The following SLC25A36 variants were observed in gnomAD, a reference collection of about 807,000 sequenced individuals.
SLC25A36 encodes solute carrier family 25 member 36.
Under a neutral mutation model 35.3 loss-of-function variants are expected in SLC25A36, and 24 were observed. That is an observed-to-expected ratio of 0.68 (90% CI 0.49 to 0.96). SLC25A36 has a LOEUF of 0.96. SLC25A36 is among the 40% of genes least tolerant of loss of function. The pLI is 0.00. For synonymous variants in SLC25A36, 141 were observed against 132.2 expected (o/e 1.07, Z -0.46); for missense variants, 294 against 381.1 (o/e 0.77, Z 1.90).
chr3:140,944,529 G>C (rs1934111724), intron 1 of SLC25A36, among the ~76,000 whole-genome samples: 1 of 152,170 alleles, frequency 6.6e-6, no homozygotes, highest in South Asian at 2.1e-4. Flanking sequence ...TATGTATATA[G>C]AGATGAAAGC....
At chr3:140,949,984 C>A (rs924010659) in intron 1 of SLC25A36, among the ~76,000 whole-genome samples, 13 of 152,144 alleles carry the variant, frequency 8.5e-5, no homozygotes, top group African/African-American at 3.1e-4. Flanking sequence ...CCATTTTTTT[C>A]TCTTGCTTTT....
rs144234286 is a variant in SLC25A36 at position 140,973,977 on chromosome 3, T to G, written c.714T>G (p.Thr238=). The G allele has an allele frequency of 6.5e-5, 103 of 1,582,850 alleles. No homozygotes were observed. Among genetic ancestry groups the G allele is most frequent in the Non-Finnish European group, 7.8e-5 (90 of 1,161,004 alleles). Residue 238 remains threonine (T), a synonymous_variant, in exon 6 of 7, where the codon ACT becomes ACG. Coordinates refer to ENST00000324194, the MANE Select transcript of SLC25A36 (RefSeq NM_001104647.3). ...TGCTAGCTGCTGCCACCTCAAAAAC[T>G]TGTGCCACAACTATAGCATATCCAC... The part of the protein sequence containing the change: ...GMMLAAATSK[T]CATTIAYPHE...
At position 140,980,705 on chromosome 3, in the gene SLC25A36, C is replaced by T. The variant is rs28457644; in HGVS notation, c.*4252C>T. Among the ~76,000 whole-genome samples, 2 of 25,012 alleles carry T rather than the reference C, an allele frequency of 8.0e-5. No individual in the cohort carries two copies. Among genetic ancestry groups the T allele is most frequent in the African/African-American group, 1.4e-4 (2 of 14,648 alleles). The allele number at this position is 25,012 out of a possible 152,430, so 16.4% of individuals were successfully genotyped here. A position where few individuals can be genotyped will look rare whatever the true frequency, so the allele number is the denominator to read the frequency against. ...TAAATGTTCCCCCTGCCCCCCCCCC[C>T]TTTTAATATATATACACGGAGCTTC... On this transcript the variant is annotated 3_prime_UTR_variant, in exon 7 of 7. Coordinates refer to ENST00000324194, the MANE Select transcript of SLC25A36 (RefSeq NM_001104647.3).
Position 140,971,008 on chromosome 3 carries a change from TA to T in SLC25A36, c.452+19del. ...CTTGATGCAAGGTATGTTAATTCCT[TA>T]AAATAAAATTGGTTAAAGTGGATTT... is the stretch of plus-strand genomic sequence containing the variant. On this transcript the variant is annotated intron_variant, in intron 5 of 6. Coordinates refer to ENST00000324194, the MANE Select transcript of SLC25A36 (RefSeq NM_001104647.3). 1 of 1,170,060 alleles carries T rather than the reference TA, an allele frequency of 8.5e-7. No individual in the cohort carries two copies. Among genetic ancestry groups the T allele is most frequent in the Non-Finnish European group, 1.3e-6 (1 of 783,714 alleles). 72.5% of individuals were successfully genotyped at this position (1,170,060 alleles called of 1,614,324 possible). A position where few individuals can be genotyped will look rare whatever the true frequency, so the allele number is the denominator to read the frequency against.
chr3:140,977,874 T>C lies in SLC25A36; in HGVS notation c.*1421T>C, dbSNP rs575484113. 6.6e-6 allele frequency: 1 copy of C among 151,944 alleles called. No individual in the cohort carries two copies. The highest frequency in any genetic ancestry group is 1.5e-5 in the Non-Finnish European group (1 of 67,982). 9.4% of individuals were successfully genotyped at this position (151,944 alleles called of 1,614,324 possible). On this transcript the variant is annotated 3_prime_UTR_variant, in exon 7 of 7. Coordinates refer to ENST00000324194, the MANE Select transcript of SLC25A36 (RefSeq NM_001104647.3). ...AGAATGACGCTTCGTGAAAGCACTTTGTGGCCTTTTTTGGGGGGGAGGGTG... is the reference window on the plus strand; with the variant it reads ...AGAATGACGCTTCGTGAAAGCACTTCGTGGCCTTTTTTGGGGGGGAGGGTG...
At position 140,963,158 on chromosome 3, in the gene SLC25A36, A is replaced by G; in HGVS notation, c.316A>G (p.Lys106Glu). Residue 106 changes from lysine to glutamate, a missense_variant, in exon 4 of 7, where the codon AAG becomes GAG. By Grantham distance (56) the Lys-to-Glu change is moderately conservative (BLOSUM62 1). This residue lies in a region of SLC25A36 where 185 missense variants were observed against 201.5 expected (regional missense o/e 0.92). Transcript: ENST00000324194. ...AIYFAAYSNC[K>E]EKLNDVFDPD... ...ATACTTTGCTGCTTATTCAAACTGC[A>G]AGGAAAAGTTGAATGATGTATTTGA... 1 of 1,590,892 alleles carries G rather than the reference A, an allele frequency of 6.3e-7. No homozygotes were observed. Among genetic ancestry groups the G allele is most frequent in the Non-Finnish European group, 8.5e-7 (1 of 1,174,286 alleles).
chr3:140,958,046 A>G (rs1934522116), intron 2 of SLC25A36, among the ~76,000 whole-genome samples: 1 of 151,872 alleles, frequency 6.6e-6, no homozygotes, highest in Admixed American at 6.6e-5. Context: ...GGTTTTTTTT[A>G]TTTACTGCTG....
At chr3:140,956,190 A>G (rs1934474107) in intron 1 of SLC25A36, among the ~76,000 whole-genome samples, 1 of 152,206 alleles carries the variant, frequency 6.6e-6, no homozygotes, top group Non-Finnish European at 1.5e-5. Flanking sequence ...CAAGTTATAT[A>G]TATACATGAG....
At chr3:140,967,820 T>C (rs1295411726) in intron 4 of SLC25A36, 1 of 213,422 alleles carries the variant, frequency 4.7e-6, no homozygotes, top group East Asian at 1.9e-4. Flanking sequence ...ATTGGCACTT[T>C]GCTTTAACTG....
intron 1 of SLC25A36, among the ~76,000 whole-genome samples, chr3:140,951,253 T>C (rs1190282757): frequency 1.3e-5 from 2 of 152,206 alleles, no homozygotes; most frequent in Non-Finnish European, 1.5e-5. Flanking sequence ...GGAGAAAAGA[T>C]AAATCTAATG....
chr3:140,974,684 A>AAAAC (rs558336741), intron 6 of SLC25A36, among the ~76,000 whole-genome samples: 2 of 152,022 alleles, frequency 1.3e-5, no homozygotes, highest in South Asian at 4.1e-4. Flanking sequence ...TGGTTGTTTT[A>AAAAC]AGTGTCGCTT....
chr3:140,979,614 C>G lies in SLC25A36; in HGVS notation c.*3161C>G, dbSNP rs962142412. The G allele has an allele frequency of 6.6e-6, 1 of 152,160 alleles. No homozygotes were observed. Among genetic ancestry groups the G allele is most frequent in the Non-Finnish European group, 1.5e-5 (1 of 68,006 alleles). 9.4% of individuals were successfully genotyped at this position (152,160 alleles called of 1,614,324 possible). On this transcript the variant is annotated 3_prime_UTR_variant, in exon 7 of 7. Transcript: ENST00000324194. ...AACTTTCTGCCCACTCAGATCTCTT[C>G]TCCATCATGTACTTAGTATTTCCCA...
intron 1 of SLC25A36, among the ~76,000 whole-genome samples, chr3:140,943,962 C>A (rs946493966): frequency 7.0e-6 from 1 of 143,874 alleles, no homozygotes; most frequent in South Asian, 2.1e-4. Context: ...TCCCCTCCCC[C>A]CCAGTCTAGC....
Position 140,973,565 on chromosome 3 carries a change from A to G in SLC25A36, c.453-151A>G, listed in dbSNP as rs141334097. ...TAATATGACAAATTTGGGACAAAAGAATAGGAAATCTAAAATATGAATATT... is the reference window on the plus strand; with the variant it reads ...TAATATGACAAATTTGGGACAAAAGGATAGGAAATCTAAAATATGAATATT... On this transcript the variant is annotated intron_variant, in intron 5 of 6. Coordinates refer to ENST00000324194, the MANE Select transcript of SLC25A36 (RefSeq NM_001104647.3). The G allele has an allele frequency of 1.6e-3, 975 of 620,026 alleles. 8 individuals are homozygous for G. The African/African-American group carries it at 0.016, about 10-fold the overall frequency. The allele number at this position is 620,026 out of a possible 1,614,324, so 38.4% of individuals were successfully genotyped here.
At chr3:140,961,266 A>C (rs1934619282) in intron 3 of SLC25A36, among the ~76,000 whole-genome samples, 1 of 152,234 alleles carries the variant, frequency 6.6e-6, no homozygotes, top group Admixed American at 6.5e-5. Context: ...ACATAAAAAC[A>C]TGTATACTTT....
Position 140,941,981 on chromosome 3 carries a change from C to T in SLC25A36, c.-74C>T. 2.4e-6 allele frequency: 2 copies of T among 826,752 alleles called. No individual in the cohort carries two copies. The highest frequency in any genetic ancestry group is 1.5e-5 in the South Asian group (1 of 65,846). The allele number at this position is 826,752 out of a possible 1,614,324, so 51.2% of individuals were successfully genotyped here. On this transcript the variant is annotated 5_prime_UTR_variant, in exon 1 of 7. Coordinates refer to ENST00000324194, the MANE Select transcript of SLC25A36 (RefSeq NM_001104647.3). ...GGCGCTGTGCGTCTCCAGTCCGGGA[C>T]CGAAGCCGCCTGCCGTAGCGGGCGG...
chr3:140,956,577 A>G lies in SLC25A36; in HGVS notation c.92A>G (p.Lys31Arg). ...AILTCPLEVV[K>R]TRLQSSSVTL... ...CTGACATGTCCACTGGAAGTTGTAA[A>G]AACACGACTGCAGTCATCTTCTGTG... The change falls in exon 2 of 7, where the codon AAA (lysine) becomes AGA (arginine). Residue 31 changes from lysine to arginine, a missense_variant. Coordinates refer to ENST00000324194, the MANE Select transcript of SLC25A36 (RefSeq NM_001104647.3). 1 of 1,613,236 alleles carries G rather than the reference A, an allele frequency of 6.2e-7. No homozygotes were observed. Among genetic ancestry groups the G allele is most frequent in the Non-Finnish European group, 8.5e-7 (1 of 1,179,868 alleles).
At chr3:140,959,126 C>A (rs974767211) in intron 2 of SLC25A36, among the ~76,000 whole-genome samples, 1 of 151,516 alleles carries the variant, frequency 6.6e-6, no homozygotes, top group African/African-American at 2.4e-5. Flanking sequence ...AGCGATTCTC[C>A]TACCTCAGCC....
chr3:140,947,485 A>C (rs1934199387), intron 1 of SLC25A36, among the ~76,000 whole-genome samples: 1 of 152,078 alleles, frequency 6.6e-6, no homozygotes, highest in Non-Finnish European at 1.5e-5. Context: ...TTGCACAGAG[A>C]TTTTAGTTTT....
Sources: gnomAD v4.1 joint callset for allele counts (sites outside exome capture counted in the v4.1 genomes callset) on GRCh38, gnomAD v4.1.1 for gene constraint, gnomAD v4.1.1 regional missense constraint, MANE v1.5 for transcripts, NCBI Gene and HGNC (gene_info 2026-07-23, HGNC 2026-07-21) for gene names.